SLC19A3: variants seen among roughly 807,000 people sequenced by gnomAD.
SLC19A3 encodes the protein solute carrier family 19 member 3, also known as thiamine transporter 2.
A neutral mutation model predicts 40.2 loss-of-function variants in SLC19A3; 31 were observed. The ratio of observed to expected loss-of-function variants is 0.77; its 90% CI spans 0.58 to 1.04. SLC19A3 has a LOEUF of 1.04. Ranked by LOEUF, SLC19A3 falls within the 50% of genes least tolerant of loss-of-function variation. SLC19A3 has a pLI of 0.00. For synonymous variants in SLC19A3, 212 were observed against 227.5 expected (o/e 0.93, Z 0.61); for missense variants, 592 against 596.7 (o/e 0.99, Z 0.08).
intron 2 of SLC19A3, among the ~76,000 whole-genome samples, chr2:227,700,456 T>A (rs1451195558): frequency 6.6e-6 from 1 of 151,950 alleles, no homozygotes; most frequent in Non-Finnish European, 1.5e-5. Flanking sequence ...GAGAATCGCT[T>A]GAACCCAGGA....
intron 1 of SLC19A3, among the ~76,000 whole-genome samples, chr2:227,710,035 C>G (rs566873420): frequency 1.3e-5 from 2 of 152,120 alleles, no homozygotes; most frequent in Non-Finnish European, 2.9e-5. Context: ...AGATCCCTTG[C>G]ATGCACAGTT....
intron 1 of SLC19A3, among the ~76,000 whole-genome samples, chr2:227,708,968 A>G (rs977491819): frequency 2.6e-5 from 4 of 152,178 alleles, no homozygotes; most frequent in Admixed American, 2.6e-4. Context: ...TGCACACAAC[A>G]ATGTTCACGT....
Position 227,701,343 on chromosome 2 carries a change from C to T in SLC19A3, c.150+826G>A, listed in dbSNP as rs182300428. 171 of 199,252 alleles carry T rather than the reference C, an allele frequency of 8.6e-4. 1 individual carries two copies. In the East Asian group the frequency reaches 0.021, roughly 25 times the overall value. 12.3% of individuals were successfully genotyped at this position (199,252 alleles called of 1,614,324 possible). On this transcript the variant is annotated intron_variant, in intron 2 of 5. Coordinates refer to ENST00000644224, the MANE Select transcript of SLC19A3 (RefSeq NM_025243.4). ...TACTTCTTATAAAGAAATGCGAGGC[C>T]GGTGGCGGTGGCTCACGCCTGTAAT...
rs376021977 is a variant in SLC19A3, at chr2:227,698,964, T to C, written c.751A>G (p.Ser251Gly). Residue 251 changes from serine (S) to glycine (G), a missense_variant, in exon 3 of 6, where the codon AGC (serine) becomes GGC (glycine). Physicochemically the swap from Ser to Gly is moderately conservative, Grantham distance 56. Transcript: ENST00000644224. ...ACAGTCACATTGCTTGGTTTCAGGC[T>C]GTTCAGCTGGCCCTTATTCAGCTTC... ...SGKLNKGQLN[S>G]LKPSNVTVDV... 6.2e-6 allele frequency: 10 copies of C among 1,614,106 alleles called. No homozygotes were observed. Among genetic ancestry groups the C allele is most frequent in the African/African-American group, 1.3e-5 (1 of 74,938 alleles).
chr2:227,688,649 C>T (rs1301429407), intron 4 of SLC19A3, among the ~76,000 whole-genome samples: 1 of 152,030 alleles, frequency 6.6e-6, no homozygotes, highest in Non-Finnish European at 1.5e-5. Context: ...AAAGCCTTCC[C>T]ACGGAGGACA....
In SLC19A3 at chr2:227,713,896, C is replaced by T. The variant is rs147427568; in HGVS notation, c.-3+4047G>A. 9.2e-3 allele frequency among the ~76,000 whole-genome samples: 1,397 copies of T among 151,204 alleles called. 26 individuals carry two copies. Among genetic ancestry groups the T allele is most frequent in the African/African-American group, 0.032 (1,338 of 41,264 alleles). On this transcript the variant is annotated intron_variant, in intron 1 of 5. Transcript: ENST00000644224. ...GAATCCAGATACAAAAAGGACATAG[C>T]ATGAAGATTTCATTTACGCCAGGTC...
rs1489145559 is a variant in SLC19A3 at position 227,686,791 on chromosome 2, A to G, written c.*606T>C. On this transcript the variant is annotated 3_prime_UTR_variant, in exon 6 of 6. Coordinates refer to ENST00000644224, the MANE Select transcript of SLC19A3 (RefSeq NM_025243.4). ...GCACAAAATGGAAAATAATCATAAAAAAATTAAATAATAATACTATCAAAT... is the reference window on the plus strand; with the variant it reads ...GCACAAAATGGAAAATAATCATAAAGAAATTAAATAATAATACTATCAAAT... The G allele has an allele frequency of 1.3e-5, 2 of 152,148 alleles. No homozygotes were observed. The allele number at this position is 152,148 out of a possible 1,614,324, so 9.4% of individuals were successfully genotyped here.
intron 2 of SLC19A3, among the ~76,000 whole-genome samples, chr2:227,699,886 C>CT (rs1174226397): frequency 1.2e-4 from 18 of 151,364 alleles, no homozygotes; most frequent in Admixed American, 4.6e-4. Context: ...TTTTCCGATT[C>CT]TTTTTTTTTG....
chr2:227,700,642 G>A (rs917610402), intron 2 of SLC19A3, among the ~76,000 whole-genome samples: 1 of 152,084 alleles, frequency 6.6e-6, no homozygotes, highest in Non-Finnish European at 1.5e-5. Flanking sequence ...GGGAAAATAG[G>A]GAAAGAGTAA....
intron 1 of SLC19A3, 30 bp from the exon 2 acceptor site, chr2:227,702,350 A>G (rs1386499767): frequency 6.2e-7 from 1 of 1,612,130 alleles, no homozygotes; most frequent in Non-Finnish European, 8.5e-7. Context: ...GAGAAAATTA[A>G]GTGATGCTTA....
chr2:227,687,563 TA>T lies in SLC19A3; in HGVS notation c.1324del (p.Tyr442MetfsTer7). 6.2e-7 allele frequency: 1 copy of T among 1,613,888 alleles called. No individual in the cohort carries two copies. The highest frequency in any genetic ancestry group is 2.2e-5 in the East Asian group (1 of 44,860). ...NLPVSIQFLVYGSYFAVIAGI... is the reference protein window; with the variant it reads ...NLPVSIQFLVXGSYFAVIAGI... ...AGCAATTACTGCAAAATAGCTCCCA[TA>T]AACTAAAAACTGGAGAAAAACAAAT... On this transcript the variant is annotated frameshift_variant, in exon 6 of 6. Coordinates refer to ENST00000644224, the MANE Select transcript of SLC19A3 (RefSeq NM_025243.4). LOFTEE classifies it low-confidence loss of function (END_TRUNC).
At chr2:227,700,167 G>A (rs930445983) in intron 2 of SLC19A3, among the ~76,000 whole-genome samples, 2 of 151,742 alleles carry the variant, frequency 1.3e-5, no homozygotes, top group East Asian at 3.9e-4. Context: ...GTGAGCCACC[G>A]TGCCCGGCCC....
chr2:227,692,718 GAAAGAA>G (rs1695280237), intron 4 of SLC19A3, among the ~76,000 whole-genome samples: 1 of 152,114 alleles, frequency 6.6e-6, no homozygotes, highest in Non-Finnish European at 1.5e-5. Context: ...TCAGACAAGA[GAAAGAA>G]ATAAAGGGCA....
rs562785117 is a variant in SLC19A3, at chr2:227,717,912, T to C, written c.-3+31A>G. The C allele has an allele frequency of 1.5e-4, 143 of 983,746 alleles. No homozygotes were observed. The African/African-American group carries it at 2.4e-3, about 17-fold the overall frequency. The allele number at this position is 983,746 out of a possible 1,614,324, so 60.9% of individuals were successfully genotyped here. On this transcript the variant is annotated intron_variant, in intron 1 of 5. Transcript: ENST00000644224. ...AAGACCGAGGGATGACGGTGCTTCT[T>C]CAATTAATTCGCCCCCCGAGATATT...
At chr2:227,706,416 A>G (rs1695944651) in intron 1 of SLC19A3, 1 of 1,231,184 alleles carries the variant, frequency 8.1e-7, no homozygotes, top group Non-Finnish European at 1.0e-6. Flanking sequence ...ATCTTCACCC[A>G]TTATTATAAG....
rs1411096078 is a variant in SLC19A3, at chr2:227,685,417, A to T, written c.*1980T>A. The T allele has an allele frequency of 6.6e-6, 1 of 152,230 alleles. No individual in the cohort carries two copies. The highest frequency in any genetic ancestry group is 1.5e-5 in the Non-Finnish European group (1 of 68,090). The allele number at this position is 152,230 out of a possible 1,614,324, so 9.4% of individuals were successfully genotyped here. ...CCAGATCTCACGATAACTCACTGTC[A>T]TGAGACCAGCACTGAGGGGACGGTG... On this transcript the variant is annotated 3_prime_UTR_variant, in exon 6 of 6. Transcript: ENST00000644224.
rs765102172 is a variant in SLC19A3 at position 227,688,204 on chromosome 2, C to T, written c.1276G>A (p.Val426Ile). 2 of 1,614,062 alleles carry T rather than the reference C, an allele frequency of 1.2e-6. No homozygotes were observed. Among genetic ancestry groups the T allele is most frequent in the Non-Finnish European group, 1.7e-6 (2 of 1,179,974 alleles). ...VIQTIMTVIV[V>I]DQRGLNLPVS... ...GGCAAGTTGAGCCCTCTCTGATCTA[C>T]TACAATCACAGTCATGATGGTCTGA... Residue 426 changes from valine to isoleucine, a missense_variant, in exon 5 of 6, where the codon GTA becomes ATA. By Grantham distance (29) the Val-to-Ile change is conservative (BLOSUM62 3). Coordinates refer to ENST00000644224, the MANE Select transcript of SLC19A3 (RefSeq NM_025243.4).
chr2:227,702,555 G>T, intron 1 of SLC19A3: 1 of 483,980 alleles, frequency 2.1e-6, no homozygotes, highest in Admixed American at 3.4e-5. Flanking sequence ...CACCATGACT[G>T]GATAATTTTG....
At chr2:227,705,696 A>G (rs1014249978) in intron 1 of SLC19A3, among the ~76,000 whole-genome samples, 1 of 152,108 alleles carries the variant, frequency 6.6e-6, no homozygotes, top group Non-Finnish European at 1.5e-5. Context: ...GGGGCGAACA[A>G]CATGCCCTCG....
Sources: gnomAD v4.1 joint callset for allele counts (sites outside exome capture counted in the v4.1 genomes callset) on GRCh38, gnomAD v4.1.1 for gene constraint, MANE v1.5 for transcripts, NCBI Gene and HGNC (gene_info 2026-07-23, HGNC 2026-07-21) for gene names.